The following RYR2 variants were observed in gnomAD, a reference collection of about 807,000 sequenced individuals.
RYR2 encodes the protein ryanodine receptor 2.
RYR2 carries 227 observed loss-of-function variants against 601.1 expected under a neutral mutation model. The ratio of observed to expected loss-of-function variants is 0.38; its 90% CI spans 0.34 to 0.42. RYR2 has a LOEUF of 0.42. RYR2 is among the 10% of genes least tolerant of loss of function. RYR2 has a pLI of 1.00. For synonymous variants in RYR2, 2,223 were observed against 2,175.1 expected (o/e 1.02, Z -0.61); for missense variants, 4,646 against 6,156.5 (o/e 0.75, Z 8.21).
chr1:237,482,907 A>C (rs1270068987), intron 17 of RYR2, among the ~76,000 whole-genome samples: 2 of 152,114 alleles, frequency 1.3e-5, no homozygotes, highest in Non-Finnish European at 1.5e-5. Context: ...ACTGGAGTGC[A>C]ATGATATCTC....
intron 101 of RYR2, among the ~76,000 whole-genome samples, chr1:237,827,627 CAAAAA>C (rs55896893): frequency 0.28 from 21,945 of 79,146 alleles, 1,902 homozygotes; most frequent in East Asian, 0.52. Context: ...AAGACTGTCT[CAAAAA>C]AAAAAAAAAA....
intron 1 of RYR2, among the ~76,000 whole-genome samples, chr1:237,094,263 C>T (rs1558221744): frequency 1.3e-5 from 2 of 152,196 alleles, no homozygotes; most frequent in African/African-American, 4.8e-5. Flanking sequence ...ATAATTGCCA[C>T]CAATTTATTG....
chr1:237,669,512 C>G (rs945080085), intron 58 of RYR2, among the ~76,000 whole-genome samples: 2 of 87,724 alleles, frequency 2.3e-5, no homozygotes, highest in African/African-American at 5.9e-5. Flanking sequence ...GGGGCTGACC[C>G]CCCCCACCTC....
At chr1:237,579,439 A>G (rs1673646752) in intron 29 of RYR2, among the ~76,000 whole-genome samples, 2 of 151,804 alleles carry the variant, frequency 1.3e-5, no homozygotes, top group Middle Eastern at 3.4e-3. Context: ...TATTTTTAGT[A>G]CAGACAGGGT....
rs566730251 is a variant in RYR2 at position 237,127,273 on chromosome 1, C to A, written c.48+84704C>A. ...ATTCCACAAAGCCGCCATTGTCATC[C>A]TGGCCCGTTCTCAATGAGCTGTTGG... On this transcript the variant is annotated intron_variant, in intron 1 of 104. Coordinates refer to ENST00000366574, the MANE Select transcript of RYR2 (RefSeq NM_001035.3). Among the ~76,000 whole-genome samples, 135 of 151,638 alleles carry A rather than the reference C, an allele frequency of 8.9e-4. 1 individual carries two copies. The East Asian group carries it at 0.024, about 26-fold the overall frequency.
Position 237,349,342 on chromosome 1 carries a change from C to A in RYR2, c.274-6623C>A, listed in dbSNP as rs376157200. Among the ~76,000 whole-genome samples the A allele has an allele frequency of 1.2e-4, 18 of 152,014 alleles. No homozygotes were observed. The East Asian group carries it at 3.5e-3, about 29-fold the overall frequency. ...AATAATCACTAACTCTGTATTATAGCCAGATAAAAGTATACTTCAAAAGTG... is the reference window on the plus strand; with the variant it reads ...AATAATCACTAACTCTGTATTATAGACAGATAAAAGTATACTTCAAAAGTG... On this transcript the variant is annotated intron_variant, in intron 3 of 104. Transcript: ENST00000366574.
At chr1:237,121,428 G>A (rs1205060483) in intron 1 of RYR2, among the ~76,000 whole-genome samples, 1 of 152,184 alleles carries the variant, frequency 6.6e-6, no homozygotes, top group Non-Finnish European at 1.5e-5. Flanking sequence ...TGATCGAGGA[G>A]AAAGCTGTTT....
intron 2 of RYR2, among the ~76,000 whole-genome samples, chr1:237,324,157 C>T (rs1036078094): frequency 6.6e-6 from 1 of 152,166 alleles, no homozygotes; most frequent in Non-Finnish European, 1.5e-5. Context: ...TTGCCTGTTA[C>T]TTCCTTTCTA....
intron 1 of RYR2, among the ~76,000 whole-genome samples, chr1:237,269,042 C>CTTTTTCT (rs1689405386): frequency 8.8e-6 from 1 of 113,222 alleles, no homozygotes; most frequent in South Asian, 3.2e-4. Flanking sequence ...ATAGCATATT[C>CTTTTTCT]TTTTTTTTTT....
chr1:237,403,823 C>T lies in RYR2; in HGVS notation c.774-13226C>T, dbSNP rs139494044. On this transcript the variant is annotated intron_variant, in intron 10 of 104. Transcript: ENST00000366574. ...GTTTCTTTGAGTAGAAGAAAACTAT[C>T]TCATATGTAACTTTGGAGGTATAGA... Among the ~76,000 whole-genome samples, 285 of 152,174 alleles carry T rather than the reference C, an allele frequency of 1.9e-3. 2 individuals carry two copies. Among genetic ancestry groups the T allele is most frequent in the African/African-American group, 6.3e-3 (261 of 41,508 alleles).
intron 2 of RYR2, among the ~76,000 whole-genome samples, chr1:237,274,071 T>C (rs1455288180): frequency 6.8e-6 from 1 of 147,204 alleles, no homozygotes; most frequent in East Asian, 2.0e-4. Context: ...TATACCTTTA[T>C]ATTATATATA....
At chr1:237,172,932 T>C (rs61832382) in intron 1 of RYR2, among the ~76,000 whole-genome samples, 2,070 of 152,254 alleles carry the variant, frequency 0.014, 23 homozygotes, top group Non-Finnish European at 0.023. Context: ...TTCAAGTACT[T>C]GGGATATCGA....
chr1:237,738,769 A>G (rs1422708715), intron 79 of RYR2, among the ~76,000 whole-genome samples: 1 of 152,026 alleles, frequency 6.6e-6, no homozygotes, highest in Non-Finnish European at 1.5e-5. Context: ...AGACTTTTGT[A>G]TCACCTCTGT....
chr1:237,519,031 A>G (rs1666834209), intron 24 of RYR2, among the ~76,000 whole-genome samples: 1 of 152,180 alleles, frequency 6.6e-6, no homozygotes, highest in Admixed American at 6.5e-5. Flanking sequence ...AGTGATGTTC[A>G]GCATTTTCTC....
At position 237,092,956 on chromosome 1, in the gene RYR2, C is replaced by T. The variant is rs74597691; in HGVS notation, c.48+50387C>T. 8.2e-3 allele frequency among the ~76,000 whole-genome samples: 1,245 copies of T among 152,228 alleles called. 16 individuals carry two copies. Among genetic ancestry groups the T allele is most frequent in the African/African-American group, 0.027 (1,132 of 41,528 alleles). ...ATGCAGAACCTCACTTTGCTGAGGC[C>T]GGAGCAGCAGTGTGTGGGCGTATAT... On this transcript the variant is annotated intron_variant, in intron 1 of 104. Coordinates refer to ENST00000366574, the MANE Select transcript of RYR2 (RefSeq NM_001035.3).
At chr1:237,117,747 C>CTT (rs950436911) in intron 1 of RYR2, among the ~76,000 whole-genome samples, 1 of 137,946 alleles carries the variant, frequency 7.2e-6, no homozygotes, top group African/African-American at 2.8e-5. Context: ...CTTCTCTTCT[C>CTT]TTCTCTTCTC....
At chr1:237,392,961 G>C (rs1208715782) in intron 10 of RYR2, among the ~76,000 whole-genome samples, 1 of 152,164 alleles carries the variant, frequency 6.6e-6, no homozygotes, top group Non-Finnish European at 1.5e-5. Flanking sequence ...TTACATTCTA[G>C]TGGGCATATG....
At position 237,612,734 on chromosome 1, in the gene RYR2, C is replaced by T. The variant is rs17695760; in HGVS notation, c.4911-1305C>T. 3.3e-3 allele frequency among the ~76,000 whole-genome samples: 503 copies of T among 152,264 alleles called. 6 individuals are homozygous for T. In the South Asian group the frequency reaches 0.035, roughly 11 times the overall value. On this transcript the variant is annotated intron_variant, in intron 36 of 104. Coordinates refer to ENST00000366574, the MANE Select transcript of RYR2 (RefSeq NM_001035.3). Reference sequence around the variant, plus strand: ...TATGAAGGAAAACGTTGTGTCTCTACTGAGCATGGAATTTTAACATTATAA... The same window carrying T: ...TATGAAGGAAAACGTTGTGTCTCTATTGAGCATGGAATTTTAACATTATAA...
At chr1:237,113,970 C>T (rs1214848426) in intron 1 of RYR2, among the ~76,000 whole-genome samples, 1 of 152,250 alleles carries the variant, frequency 6.6e-6, no homozygotes, top group African/African-American at 2.4e-5. Flanking sequence ...GTCGCTCCAA[C>T]ATGCACGCAA....
Sources: gnomAD v4.1 joint callset for allele counts (sites outside exome capture counted in the v4.1 genomes callset) on GRCh38, gnomAD v4.1.1 for gene constraint, MANE v1.5 for transcripts, NCBI Gene and HGNC (gene_info 2026-07-23, HGNC 2026-07-21) for gene names.